The following POLR3B variants were observed in gnomAD, a reference collection of about 807,000 sequenced individuals.
POLR3B encodes RNA polymerase III subunit B, also known as DNA-directed RNA polymerase III subunit RPC2.
A neutral mutation model predicts 147.4 loss-of-function variants in POLR3B; 96 were observed. The ratio of observed to expected loss-of-function variants is 0.65; its 90% CI spans 0.55 to 0.77. POLR3B has a LOEUF of 0.77. Ranked by LOEUF, POLR3B falls within the 30% of genes least tolerant of loss-of-function variation. POLR3B has a pLI of 0.00. For missense variants in POLR3B, 1,036 were observed against 1,413.5 expected (o/e 0.73, Z 4.28); for synonymous variants, 461 against 485.9 (o/e 0.95, Z 0.67).
chr12:106,393,674 T>C (rs1238271603), intron 10 of POLR3B, among the ~76,000 whole-genome samples: 1 of 151,600 alleles, frequency 6.6e-6, no homozygotes, highest in East Asian at 1.9e-4. Flanking sequence ...ATCAGTCCCT[T>C]TTACTGCTGC....
intron 23 of POLR3B, among the ~76,000 whole-genome samples, chr12:106,478,547 CCTT>C (rs1422980284): frequency 6.6e-6 from 1 of 151,814 alleles, no homozygotes; most frequent in Non-Finnish European, 1.5e-5. Flanking sequence ...AGGGTAAAAA[CCTT>C]CTGATTAGCC....
intron 22 of POLR3B, among the ~76,000 whole-genome samples, chr12:106,460,772 T>C (rs2037922721): frequency 6.6e-6 from 1 of 152,216 alleles, no homozygotes; most frequent in African/African-American, 2.4e-5. Context: ...TGTCATCTTC[T>C]CTTTTATCCT....
intron 23 of POLR3B, among the ~76,000 whole-genome samples, chr12:106,491,638 A>C (rs1257967551): frequency 6.6e-6 from 1 of 152,262 alleles, no homozygotes; most frequent in Non-Finnish European, 1.5e-5. Flanking sequence ...TTATTTCAGC[A>C]GACCATCCTG....
In POLR3B at chr12:106,425,738, C is replaced by T. The variant is rs57732645; in HGVS notation, c.1102-1459C>T. Among the ~76,000 whole-genome samples the T allele has an allele frequency of 5.8e-3, 877 of 152,294 alleles. 12 individuals are homozygous for T. The highest frequency in any genetic ancestry group is 0.02 in the African/African-American group (852 of 41,564). ...TCAGAAGAATTCTGAACTTGTGTGG[C>T]AGTCCACATTTGGCCTTTAAGAAGT... On this transcript the variant is annotated intron_variant, in intron 12 of 27. Transcript: ENST00000228347.
At chr12:106,469,480 G>T (rs559786989) in intron 23 of POLR3B, among the ~76,000 whole-genome samples, 4 of 152,202 alleles carry the variant, frequency 2.6e-5, no homozygotes, top group East Asian at 1.9e-4. Flanking sequence ...GTGTGAATTT[G>T]ATCCTGTCAT....
intron 10 of POLR3B, among the ~76,000 whole-genome samples, chr12:106,398,229 T>C (rs2037008723): frequency 1.3e-5 from 2 of 152,152 alleles, no homozygotes; most frequent in Non-Finnish European, 2.9e-5. Flanking sequence ...GGAGTCTCGC[T>C]CATTGCTAGC....
At chr12:106,484,994 G>T (rs1223803921) in intron 23 of POLR3B, among the ~76,000 whole-genome samples, 2 of 152,086 alleles carry the variant, frequency 1.3e-5, no homozygotes, top group Admixed American at 6.6e-5. Flanking sequence ...AAAGGAGATT[G>T]GACTTTACTC....
intron 23 of POLR3B, among the ~76,000 whole-genome samples, chr12:106,491,476 C>T (rs542266419): frequency 1.3e-5 from 2 of 152,318 alleles, no homozygotes; most frequent in South Asian, 4.1e-4. Context: ...CTAAACACAG[C>T]TCTCTTCTTG....
intron 12 of POLR3B, among the ~76,000 whole-genome samples, chr12:106,419,091 ATTCAAG>A (rs1259389804): frequency 6.6e-6 from 1 of 152,192 alleles, no homozygotes; most frequent in Admixed American, 6.5e-5. Context: ...CAGGATGCTT[ATTCAAG>A]TTCCTTTTGC....
chr12:106,425,092 A>G (rs895921941), intron 12 of POLR3B, among the ~76,000 whole-genome samples: 2 of 152,264 alleles, frequency 1.3e-5, no homozygotes, highest in Admixed American at 6.5e-5. Context: ...CAATATTTAT[A>G]TCTTTTATTT....
chr12:106,359,906 G>A (rs757800144), intron 1 of POLR3B, among the ~76,000 whole-genome samples: 1 of 152,184 alleles, frequency 6.6e-6, no homozygotes, highest in Non-Finnish European at 1.5e-5. Context: ...CTTCTCCAGA[G>A]AGCTGAAGAA....
At chr12:106,426,710 T>TG (rs2037441727) in intron 12 of POLR3B, among the ~76,000 whole-genome samples, 2 of 152,094 alleles carry the variant, frequency 1.3e-5, no homozygotes, top group South Asian at 4.1e-4. Flanking sequence ...GAGGAACTGT[T>TG]GGGGCACAGG....
intron 26 of POLR3B, 27 bp downstream of exon 26, chr12:106,501,463 A>T (rs758327919): frequency 7.7e-7 from 1 of 1,292,500 alleles, no homozygotes; most frequent in Non-Finnish European, 1.1e-6. Context: ...TACAAAAAGA[A>T]TTGATAATGC....
chr12:106,463,847 T>C (rs949760140), intron 23 of POLR3B, among the ~76,000 whole-genome samples: 5 of 152,216 alleles, frequency 3.3e-5, no homozygotes, highest in Admixed American at 2.6e-4. Context: ...CTCCTGCAGT[T>C]GCTATGCCCA....
At chr12:106,393,407 A>G (rs118157033) in intron 10 of POLR3B, among the ~76,000 whole-genome samples, 12 of 151,944 alleles carry the variant, frequency 7.9e-5, no homozygotes, top group Non-Finnish European at 1.6e-4. Flanking sequence ...TTGTTTTGAT[A>G]TAATAGGAAG....
intron 12 of POLR3B, among the ~76,000 whole-genome samples, chr12:106,426,607 G>A (rs879918240): frequency 1.7e-4 from 26 of 151,972 alleles, no homozygotes; most frequent in African/African-American, 6.3e-4. Context: ...GAGCCACCAC[G>A]CCCGGGTGCA....
chr12:106,373,679 G>A (rs770090984), intron 6 of POLR3B, among the ~76,000 whole-genome samples: 5 of 152,002 alleles, frequency 3.3e-5, no homozygotes, highest in Non-Finnish European at 7.4e-5. Context: ...GCTTGAACCC[G>A]GAAGGCGGAG....
Position 106,380,080 on chromosome 12 carries a change from C to G in POLR3B, c.664C>G (p.Arg222Gly), listed in dbSNP as rs767558518. 1 of 1,612,858 alleles carries G rather than the reference C, an allele frequency of 6.2e-7. No individual in the cohort carries two copies. The highest frequency in any genetic ancestry group is 8.5e-7 in the Non-Finnish European group (1 of 1,179,270). ...AACCAATATGGCTGTGAAACAAGGA[C>G]GATTTTATTTGAGGCATAATACTTT... ...SRTNMAVKQG[R>G]FYLRHNTLSE... The change falls in exon 9 of 28, where the codon CGA becomes GGA. Residue 222 changes from arginine to glycine, a missense_variant. Coordinates refer to ENST00000228347, the MANE Select transcript of POLR3B (RefSeq NM_018082.6).
In POLR3B at chr12:106,406,110, A is replaced by G; in HGVS notation, c.966+134A>G. 5.8e-6 allele frequency: 5 copies of G among 857,328 alleles called. No individual in the cohort carries two copies. The South Asian group carries it at 6.1e-5, about 10-fold the overall frequency. 53.1% of individuals were successfully genotyped at this position (857,328 alleles called of 1,614,324 possible). A position where few individuals can be genotyped will look rare whatever the true frequency, so the allele number is the denominator to read the frequency against. ...ATTCTAAAGAGGACTGTACTGCCCCATCAGAAATAACCTTCCATTATCAGC... is the reference window on the plus strand; with the variant it reads ...ATTCTAAAGAGGACTGTACTGCCCCGTCAGAAATAACCTTCCATTATCAGC... On this transcript the variant is annotated intron_variant, in intron 11 of 27. Coordinates refer to ENST00000228347, the MANE Select transcript of POLR3B (RefSeq NM_018082.6).
Sources: allele counts gnomAD v4.1 joint callset (sites outside exome capture counted in the v4.1 genomes callset), GRCh38; gene constraint gnomAD v4.1.1; transcripts MANE v1.5; gene names NCBI Gene and HGNC (gene_info 2026-07-23, HGNC 2026-07-21).